Variants in TIAM1 observed in about 807,000 individuals in gnomAD.
The protein encoded by TIAM1 is rho guanine nucleotide exchange factor TIAM1.
Under a neutral mutation model 163.5 loss-of-function variants are expected in TIAM1, and 65 were observed. That is an observed-to-expected ratio of 0.40 (90% CI 0.33 to 0.49). The LOEUF (loss-of-function observed/expected upper bound fraction) is 0.49, where lower values mean the gene tolerates loss of function less well. Ranked by LOEUF, TIAM1 falls within the 20% of genes least tolerant of loss-of-function variation. TIAM1 has a pLI of 0.77. For missense variants in TIAM1, 1,789 were observed against 2,044.7 expected (o/e 0.87, Z 2.41); for synonymous variants, 833 against 810.1 (o/e 1.03, Z -0.48).
chr21:31,243,192 CAAAAA>C (rs60242603), intron 6 of TIAM1, among the ~76,000 whole-genome samples: 1 of 100,952 alleles, frequency 9.9e-6, no homozygotes, highest in East Asian at 2.7e-4. Context: ...AACTTCATCT[CAAAAA>C]AAAAAAAAAA....
At chr21:31,192,238 C>T (rs1311144517) in intron 13 of TIAM1, among the ~76,000 whole-genome samples, 2 of 152,176 alleles carry the variant, frequency 1.3e-5, no homozygotes, top group Non-Finnish European at 2.9e-5. Flanking sequence ...GAGATGAAGA[C>T]TGGTGGCCTA....
chr21:31,193,743 C>G (rs2085684322), intron 13 of TIAM1, among the ~76,000 whole-genome samples: 1 of 152,182 alleles, frequency 6.6e-6, no homozygotes, highest in East Asian at 1.9e-4. Context: ...CCTGTAAAAT[C>G]AAGCTGCACA....
At chr21:31,425,301 T>A (rs1342947604) in intron 2 of TIAM1, among the ~76,000 whole-genome samples, 1 of 152,018 alleles carries the variant, frequency 6.6e-6, no homozygotes, top group East Asian at 1.9e-4. Context: ...TTCCAAGGAA[T>A]TTCGAGAATT....
At chr21:31,153,164 T>C (rs200202409) in intron 17 of TIAM1, 30 bp from the exon 18 acceptor site, 6 of 1,562,940 alleles carry the variant, frequency 3.8e-6, no homozygotes, top group Non-Finnish European at 5.2e-6. Flanking sequence ...CTCATTAGCT[T>C]ATGTGTTTTA....
In TIAM1 at chr21:31,365,383, C is replaced by CTTTT. The variant is rs201546931; in HGVS notation, c.-368-25962_-368-25961insAAAA. Among the ~76,000 whole-genome samples the CTTTT allele has an allele frequency of 2.3e-3, 314 of 138,356 alleles. 3 individuals carry two copies. The highest frequency in any genetic ancestry group is 7.7e-3 in the African/African-American group (286 of 37,200). 90.8% of individuals were successfully genotyped at this position (138,356 alleles called of 152,430 possible). ...GGCAGGGTCTGTGTCTCACTTATTT[C>CTTTT]TTTCTTTTTTTTTTTTTTTTTTTGA... On this transcript the variant is annotated intron_variant, in intron 2 of 28. Coordinates refer to the TIAM1 transcript ENST00000286827.
intron 2 of TIAM1, among the ~76,000 whole-genome samples, chr21:31,391,291 G>A (rs866141916): frequency 1.4e-4 from 22 of 152,246 alleles, no homozygotes; most frequent in Non-Finnish European, 2.6e-4. Flanking sequence ...ATTCCAAGGA[G>A]TCTGACAATT....
At chr21:31,527,159 GCACAC>G (rs2047815459) in intron 1 of TIAM1, among the ~76,000 whole-genome samples, 1 of 152,066 alleles carries the variant, frequency 6.6e-6, no homozygotes, top group Non-Finnish European at 1.5e-5. Context: ...TAGAAGCTCT[GCACAC>G]CAATACAGAG....
chr21:31,268,924 CAATA>C (rs1342565814), intron 3 of TIAM1, among the ~76,000 whole-genome samples: 1 of 151,866 alleles, frequency 6.6e-6, no homozygotes, highest in Non-Finnish European at 1.5e-5. Context: ...TATGTTTTGC[CAATA>C]AATAAAGACT....
At chr21:31,434,952 A>G (rs904672904) in intron 2 of TIAM1, among the ~76,000 whole-genome samples, 6 of 152,252 alleles carry the variant, frequency 3.9e-5, no homozygotes, top group African/African-American at 1.4e-4. Context: ...ATGAAGTATT[A>G]TGGTTAAAAG....
chr21:31,130,119 A>T, intron 25 of TIAM1, 94 bp downstream of exon 25: 2 of 925,416 alleles, frequency 2.2e-6, no homozygotes, highest in Non-Finnish European at 3.2e-6. Flanking sequence ...AAAAGACGGT[A>T]GAAGAGTTAG....
chr21:31,293,015 A>C (rs2074091221), intron 2 of TIAM1, among the ~76,000 whole-genome samples: 1 of 151,966 alleles, frequency 6.6e-6, no homozygotes, highest in Admixed American at 6.6e-5. Context: ...GTAGAGACGG[A>C]GTTTCGCCAT....
chr21:31,374,240 G>A (rs1232364654), intron 2 of TIAM1, among the ~76,000 whole-genome samples: 1 of 152,178 alleles, frequency 6.6e-6, no homozygotes, highest in Non-Finnish European at 1.5e-5. Context: ...GCGGGCAGGG[G>A]GCGATCCCAT....
intron 2 of TIAM1, among the ~76,000 whole-genome samples, chr21:31,355,528 A>ATTAT (rs56133305): frequency 0.19 from 28,142 of 144,480 alleles, 2,987 homozygotes; most frequent in East Asian, 0.42. Context: ...TCTCTCCTTT[A>ATTAT]TTATTTATTT....
chr21:31,532,669 C>T (rs963577156), intron 1 of TIAM1, among the ~76,000 whole-genome samples: 2 of 152,148 alleles, frequency 1.3e-5, no homozygotes, highest in Non-Finnish European at 2.9e-5. Flanking sequence ...TTAATCTCCC[C>T]GCACTCTAGC....
chr21:31,442,122 C>T (rs939791300), intron 2 of TIAM1, among the ~76,000 whole-genome samples: 13 of 111,950 alleles, frequency 1.2e-4, no homozygotes, highest in African/African-American at 3.9e-4. Context: ...GAAAAGAGAT[C>T]AAGCTCAACT....
chr21:31,525,363 G>A (rs866359890), intron 1 of TIAM1, among the ~76,000 whole-genome samples: 3 of 145,756 alleles, frequency 2.1e-5, no homozygotes, highest in Admixed American at 6.9e-5. Context: ...GCCAGACTCC[G>A]TCTCAAAAAA....
chr21:31,423,715 A>AC (rs2043672363), intron 2 of TIAM1, among the ~76,000 whole-genome samples: 1 of 139,698 alleles, frequency 7.2e-6, no homozygotes, highest in Non-Finnish European at 1.6e-5. Flanking sequence ...AAAAAAAAAA[A>AC]AAAAAAAAAA....
chr21:31,292,616 C>T (rs1201239047), intron 2 of TIAM1, among the ~76,000 whole-genome samples: 1 of 151,430 alleles, frequency 6.6e-6, no homozygotes, highest in Admixed American at 6.6e-5. Context: ...GTGATCCACC[C>T]GCCTCAGCCT....
intron 16 of TIAM1, among the ~76,000 whole-genome samples, chr21:31,157,644 A>C (rs1265575989): frequency 6.6e-6 from 1 of 152,010 alleles, no homozygotes; most frequent in East Asian, 1.9e-4. Context: ...TCACTCAGGG[A>C]CCACTGAGAC....
Sources: allele counts gnomAD v4.1 joint callset (sites outside exome capture counted in the v4.1 genomes callset), GRCh38; gene constraint gnomAD v4.1.1; transcripts MANE v1.5; gene names NCBI Gene and HGNC (gene_info 2026-07-23, HGNC 2026-07-21).